The following RBFOX1 variants were observed in gnomAD, a reference collection of about 807,000 sequenced individuals.
RBFOX1 encodes the protein RNA binding protein fox-1 homolog 1.
Under a neutral mutation model 57.7 loss-of-function variants are expected in RBFOX1, and 8 were observed. The ratio of observed to expected loss-of-function variants is 0.14; its 90% CI spans 0.08 to 0.25. The LOEUF is 0.25. Among genes scored for constraint, RBFOX1 ranks in the 10% least tolerant of loss-of-function variants. The pLI, the probability that RBFOX1 is intolerant of heterozygous loss-of-function variation, is 1.00. For synonymous variants in RBFOX1, 326 were observed against 222.4 expected, an observed-to-expected ratio of 1.47 and a Z score of -4.15; for missense variants, 611 against 548.5, an observed-to-expected ratio of 1.11 and a Z score of -1.14.
chr16:5,729,062 G>A (rs111456469), intron 3 of RBFOX1, among the ~76,000 whole-genome samples: 3,030 of 152,312 alleles, frequency 0.02, 108 homozygotes, highest in African/African-American at 0.068. Flanking sequence ...AGGGCAGAAG[G>A]GCCAGGGAGG....
At chr16:6,685,844 T>A (rs1380716394) in intron 3 of RBFOX1, among the ~76,000 whole-genome samples, 2 of 152,140 alleles carry the variant, frequency 1.3e-5, no homozygotes, top group Non-Finnish European at 2.9e-5. Context: ...TTTCCTACAA[T>A]AATAAATATT....
intron 2 of RBFOX1, among the ~76,000 whole-genome samples, chr16:5,582,893 C>T (rs1319043243): frequency 1.3e-5 from 2 of 152,166 alleles, no homozygotes; most frequent in Non-Finnish European, 2.9e-5. Flanking sequence ...GGCTTACCCT[C>T]TGTGGGCCTG....
chr16:6,847,039 T>C (rs921874727), intron 3 of RBFOX1, among the ~76,000 whole-genome samples: 1 of 152,118 alleles, frequency 6.6e-6, no homozygotes, highest in African/African-American at 2.4e-5. Flanking sequence ...AGCTGCAAAA[T>C]AGATTCATTT....
intron 3 of RBFOX1, among the ~76,000 whole-genome samples, chr16:5,666,069 T>A (rs1464854057): frequency 4.6e-5 from 7 of 152,210 alleles, no homozygotes; most frequent in Non-Finnish European, 1.0e-4. Flanking sequence ...CTTCTCCACG[T>A]GTCTAATGGC....
At chr16:5,818,972 A>T (rs1215325631) in intron 3 of RBFOX1, among the ~76,000 whole-genome samples, 1 of 152,028 alleles carries the variant, frequency 6.6e-6, no homozygotes, top group Admixed American at 6.6e-5. Flanking sequence ...TACCTCTTGG[A>T]TCTGTCCCCA....
At chr16:7,687,452 A>C (rs543556205) in intron 14 of RBFOX1, among the ~76,000 whole-genome samples, 1 of 152,062 alleles carries the variant, frequency 6.6e-6, no homozygotes, top group Non-Finnish European at 1.5e-5. Flanking sequence ...TCAGTGCCTG[A>C]TATGTAGCAA....
At chr16:6,768,530 T>C (rs1212423508) in intron 3 of RBFOX1, among the ~76,000 whole-genome samples, 1 of 151,970 alleles carries the variant, frequency 6.6e-6, no homozygotes, top group Non-Finnish European at 1.5e-5. Flanking sequence ...CTATTTTCTA[T>C]ACATTGACAA....
At chr16:7,546,177 A>G (rs12928189) in intron 5 of RBFOX1, among the ~76,000 whole-genome samples, 85,837 of 151,574 alleles carry the variant, frequency 0.57, 27,957 homozygotes, top group Middle Eastern at 0.75. Context: ...AAATATAAAA[A>G]TCAGCCAGGC....
chr16:7,177,249 T>G (rs1008792339), intron 4 of RBFOX1, among the ~76,000 whole-genome samples: 7 of 152,138 alleles, frequency 4.6e-5, no homozygotes, highest in Admixed American at 3.3e-4. Context: ...TTATCTAGCT[T>G]GATTGTCCAT....
chr16:6,159,285 C>G (rs2096860451), intron 1 of RBFOX1, among the ~76,000 whole-genome samples: 1 of 152,138 alleles, frequency 6.6e-6, no homozygotes, highest in African/African-American at 2.4e-5. Context: ...CCATGTTGGC[C>G]AAGTTGGTCT....
intron 4 of RBFOX1, among the ~76,000 whole-genome samples, chr16:5,898,897 T>TAAA (rs80013964): frequency 7.2e-6 from 1 of 138,482 alleles, no homozygotes; most frequent in African/African-American, 2.7e-5. Flanking sequence ...CCATCTCTAT[T>TAAA]AAAAAAAAAA....
chr16:7,528,425 G>A (rs2079187844), intron 5 of RBFOX1, among the ~76,000 whole-genome samples: 1 of 152,164 alleles, frequency 6.6e-6, no homozygotes, highest in South Asian at 2.1e-4. Flanking sequence ...GTAAGTGTTT[G>A]AAGGACCTAA....
At chr16:6,686,858 T>A (rs1206381952) in intron 3 of RBFOX1, among the ~76,000 whole-genome samples, 1 of 152,222 alleles carries the variant, frequency 6.6e-6, no homozygotes, top group Non-Finnish European at 1.5e-5. Context: ...TACTGTGTTG[T>A]ATTTTGAGTG....
intron 5 of RBFOX1, among the ~76,000 whole-genome samples, chr16:7,535,670 C>T (rs1388416125): frequency 6.6e-6 from 1 of 152,178 alleles, no homozygotes; most frequent in Non-Finnish European, 1.5e-5. Context: ...TTTTGAAAAT[C>T]CACCCTTAGT....
chr16:6,499,716 A>C (rs1426978350), intron 2 of RBFOX1, among the ~76,000 whole-genome samples: 1 of 151,886 alleles, frequency 6.6e-6, no homozygotes, highest in African/African-American at 2.4e-5. Context: ...TTTCCCCCTG[A>C]TTTATTGTGC....
chr16:6,796,135 G>C (rs567994585), intron 3 of RBFOX1, among the ~76,000 whole-genome samples: 1 of 152,254 alleles, frequency 6.6e-6, no homozygotes, highest in East Asian at 1.9e-4. Flanking sequence ...GAAGGTGAAA[G>C]GTATGTCTCA....
chr16:5,593,736 C>A (rs2047089152), intron 2 of RBFOX1, among the ~76,000 whole-genome samples: 1 of 152,190 alleles, frequency 6.6e-6, no homozygotes, highest in African/African-American at 2.4e-5. Flanking sequence ...AAATGGGCAA[C>A]CAGCAGCCCT....
chr16:6,741,241 G>A lies in RBFOX1; in HGVS notation c.-16+86591G>A, dbSNP rs114288270. Among the ~76,000 whole-genome samples, 442 of 152,194 alleles carry A rather than the reference G, an allele frequency of 2.9e-3. 3 individuals are homozygous for A. Among genetic ancestry groups the A allele is most frequent in the African/African-American group, 9.7e-3 (404 of 41,518 alleles). On this transcript the variant is annotated intron_variant, in intron 3 of 15. Coordinates refer to ENST00000550418, the MANE Select transcript of RBFOX1 (RefSeq NM_018723.4). ...CATAAAAATTAGCTCAAAATGGATC[G>A]TAGGTTAAATTGAAAACATAAAACT...
chr16:7,495,073 C>A (rs1178747369), intron 4 of RBFOX1, among the ~76,000 whole-genome samples: 2 of 152,044 alleles, frequency 1.3e-5, no homozygotes. Context: ...ATGTGATACT[C>A]GTTTTCTGTT....
Sources: allele counts gnomAD v4.1 joint callset (sites outside exome capture counted in the v4.1 genomes callset), GRCh38; gene constraint gnomAD v4.1.1; transcripts MANE v1.5; gene names NCBI Gene and HGNC (gene_info 2026-07-23, HGNC 2026-07-21).